The following ZNF536 variants were observed in gnomAD, a reference collection of about 807,000 sequenced individuals.
ZNF536 encodes the protein zinc finger protein 536.
A neutral mutation model predicts 84.5 loss-of-function variants in ZNF536; 13 were observed. The observed-to-expected ratio is 0.15, with a 90% CI of 0.10 to 0.24. ZNF536 has a LOEUF of 0.24. Ranked by LOEUF, ZNF536 falls within the 10% of genes least tolerant of loss-of-function variation. The pLI is 1.00. For missense variants in ZNF536, 1,536 were observed against 1,747.5 expected, an observed-to-expected ratio of 0.88 and a Z score of 2.16; for synonymous variants, 811 against 742.5, an observed-to-expected ratio of 1.09 and a Z score of -1.50.
At position 30,497,916 on chromosome 19, in the gene ZNF536, C is replaced by A. The variant is rs374572933; in HGVS notation, c.2171-36931C>A. ...GAAGTTTCAGCCCTGTCCCCATCAG[C>A]CATATGTAATCAATTAGCCATGTAC... On this transcript the variant is annotated intron_variant, in intron 2 of 4. Coordinates refer to ENST00000355537, the MANE Select transcript of ZNF536 (RefSeq NM_014717.3). 1.5e-3 allele frequency among the ~76,000 whole-genome samples: 230 copies of A among 152,256 alleles called. 2 individuals carry two copies. Among genetic ancestry groups the A allele is most frequent in the African/African-American group, 5.2e-3 (217 of 41,546 alleles).
At position 30,617,929 on chromosome 19, in the gene ZNF536, T is replaced by C. The variant is rs534986397; in HGVS notation, c.169+68415T>C. On this transcript the variant is annotated intron_variant, in intron 1 of 1. Transcript: ENST00000592773. ...AGAATTCCATGTGAGCAAAATGTGG[T>C]CTATTGCGTTTTATTCCACGGACAA... Among the ~76,000 whole-genome samples the C allele has an allele frequency of 2.0e-5, 3 of 152,320 alleles. No homozygotes were observed. In the South Asian group the frequency reaches 6.2e-4, roughly 32 times the overall value.
intron 2 of ZNF536, among the ~76,000 whole-genome samples, chr19:30,324,225 T>C (rs1445541502): frequency 4.6e-5 from 7 of 151,636 alleles, no homozygotes; most frequent in African/African-American, 1.5e-4. Context: ...ATCATCTGTC[T>C]AGCCATCCAT....
intron 1 of ZNF536, among the ~76,000 whole-genome samples, chr19:30,244,687 G>A (rs1441711481): frequency 6.6e-6 from 1 of 152,184 alleles, no homozygotes; most frequent in Non-Finnish European, 1.5e-5. Context: ...TGCCCCTGAA[G>A]CTTTTAGCAC....
intron 3 of ZNF536, among the ~76,000 whole-genome samples, chr19:30,367,258 G>A (rs752899942): frequency 7.9e-5 from 12 of 152,196 alleles, no homozygotes; most frequent in Non-Finnish European, 1.0e-4. Context: ...GGAGCGTGCC[G>A]TGGTGAGGCC....
chr19:30,438,163 C>T (rs1028473168), intron 1 of ZNF536, among the ~76,000 whole-genome samples: 2 of 152,010 alleles, frequency 1.3e-5, no homozygotes, highest in Non-Finnish European at 1.5e-5. Flanking sequence ...TTGCATAATG[C>T]TGGGGATTGG....
intron 2 of ZNF536, among the ~76,000 whole-genome samples, chr19:30,509,378 ATATAT>A (rs1206840702): frequency 1.1e-4 from 16 of 146,772 alleles, no homozygotes; most frequent in African/African-American, 2.0e-4. Context: ...CATATATGAT[ATATAT>A]TATATCTTAT....
At chr19:30,550,307 G>A (rs1011675332) in intron 4 of ZNF536, among the ~76,000 whole-genome samples, 1 of 152,150 alleles carries the variant, frequency 6.6e-6, no homozygotes, top group South Asian at 2.1e-4. Flanking sequence ...CCAGATTTCC[G>A]AACATCATTG....
At chr19:30,656,758 G>A (rs1260090406) in intron 1 of ZNF536, among the ~76,000 whole-genome samples, 2 of 152,206 alleles carry the variant, frequency 1.3e-5, no homozygotes, top group East Asian at 3.9e-4. Context: ...CTGCGGGACA[G>A]GCAAGGCCAC....
At chr19:30,695,095 C>G (rs2051601943) in intron 1 of ZNF536, among the ~76,000 whole-genome samples, 1 of 152,098 alleles carries the variant, frequency 6.6e-6, no homozygotes, top group African/African-American at 2.4e-5. Flanking sequence ...CCCTGGAACA[C>G]AGAGCACTCA....
intron 1 of ZNF536, among the ~76,000 whole-genome samples, chr19:30,407,398 G>T (rs560641337): frequency 1.3e-5 from 2 of 152,232 alleles, no homozygotes; most frequent in African/African-American, 2.4e-5. Context: ...GTGACCAAAT[G>T]TCAGGGTGGG....
chr19:30,706,026 A>G (rs985562627), intron 1 of ZNF536, among the ~76,000 whole-genome samples: 1 of 152,236 alleles, frequency 6.6e-6, no homozygotes, highest in Admixed American at 6.5e-5. Flanking sequence ...CAAATCAAAA[A>G]GGCTTTCATT....
intron 1 of ZNF536, among the ~76,000 whole-genome samples, chr19:30,632,085 C>G (rs1391019713): frequency 6.6e-6 from 1 of 152,198 alleles, no homozygotes; most frequent in Non-Finnish European, 1.5e-5. Flanking sequence ...AGGTAAAGAT[C>G]TCACAGAGGA....
chr19:30,360,495 C>T (rs917041952), intron 3 of ZNF536, among the ~76,000 whole-genome samples: 6 of 152,110 alleles, frequency 3.9e-5, no homozygotes, highest in East Asian at 1.9e-4. Context: ...TTTATTATAT[C>T]GAGGCTGTTT....
intron 2 of ZNF536, among the ~76,000 whole-genome samples, chr19:30,512,886 C>T (rs927818029): frequency 1.3e-5 from 2 of 152,142 alleles, no homozygotes; most frequent in African/African-American, 2.4e-5. Flanking sequence ...ATGAACCAGG[C>T]GTTCACAAAG....
intron 1 of ZNF536, among the ~76,000 whole-genome samples, chr19:30,610,795 A>G (rs895168919): frequency 6.6e-6 from 1 of 152,192 alleles, no homozygotes; most frequent in Admixed American, 6.5e-5. Context: ...GGACTCAGAC[A>G]TGCAAGGCCA....
chr19:30,431,195 C>A (rs1406523689), intron 1 of ZNF536, among the ~76,000 whole-genome samples: 2 of 152,176 alleles, frequency 1.3e-5, no homozygotes, highest in Non-Finnish European at 2.9e-5. Flanking sequence ...CCAGCTCCCC[C>A]AGAACCTGCG....
intron 1 of ZNF536, among the ~76,000 whole-genome samples, chr19:30,252,100 G>A (rs1023358270): frequency 1.3e-5 from 2 of 151,938 alleles, no homozygotes; most frequent in African/African-American, 4.8e-5. Flanking sequence ...ATTAGCAAGA[G>A]AAAAACAAAC....
Position 30,566,011 on chromosome 19 carries a change from A to C in ZNF536, c.169+16497A>C, listed in dbSNP as rs1434973827. ...TCAGGCTGTGACCACCAACAAACAG[A>C]AAAAAACAAAGTAATAAAATATCCC... On this transcript the variant is annotated intron_variant, in intron 1 of 1. Transcript: ENST00000592773. Among the ~76,000 whole-genome samples, 3 of 152,198 alleles carry C rather than the reference A, an allele frequency of 2.0e-5. No homozygotes were observed. The East Asian group carries it at 5.8e-4, about 29-fold the overall frequency.
rs187928975 is a variant in ZNF536, at chr19:30,583,416, G to A, written c.169+33902G>A. Among the ~76,000 whole-genome samples, 299 of 152,334 alleles carry A rather than the reference G, an allele frequency of 2.0e-3. 1 individual carries two copies. Among genetic ancestry groups the A allele is most frequent in the Non-Finnish European group, 3.3e-3 (225 of 68,034 alleles). On this transcript the variant is annotated intron_variant, in intron 1 of 1. Transcript: ENST00000592773. ...GGGAGCAACTGTTCTGAGAGGCAGA[G>A]AGGCCATTGGCAAGCCAGGGTGACT...
Sources: gnomAD v4.1 joint callset for allele counts (sites outside exome capture counted in the v4.1 genomes callset) on GRCh38, gnomAD v4.1.1 for gene constraint, MANE v1.5 for transcripts, NCBI Gene and HGNC (gene_info 2026-07-23, HGNC 2026-07-21) for gene names.